The following LRP1B variants were observed in gnomAD, a reference collection of about 807,000 sequenced individuals.
LRP1B encodes the protein LDL receptor related protein 1B, also known as low-density lipoprotein receptor-related protein 1B.
Under a neutral mutation model 556.6 loss-of-function variants are expected in LRP1B, and 217 were observed. The observed-to-expected ratio is 0.39, with a 90% CI of 0.35 to 0.44. The LOEUF (loss-of-function observed/expected upper bound fraction) is 0.44, where lower values mean the gene tolerates loss of function less well. Ranked by LOEUF, LRP1B falls within the 20% of genes least tolerant of loss-of-function variation. The pLI is 1.00. For synonymous variants in LRP1B, 2,047 were observed against 1,865.8 expected, an observed-to-expected ratio of 1.10 and a Z score of -2.50; for missense variants, 5,053 against 5,620.8, an observed-to-expected ratio of 0.90 and a Z score of 3.23.
chr2:141,485,532 T>C (rs1351816294), intron 2 of LRP1B, among the ~76,000 whole-genome samples: 2 of 152,138 alleles, frequency 1.3e-5, no homozygotes, highest in East Asian at 1.9e-4. Flanking sequence ...ACAGGGCAGT[T>C]TGAGAAATAG....
chr2:140,628,776 C>T (rs1338775340), intron 41 of LRP1B, among the ~76,000 whole-genome samples: 6 of 152,096 alleles, frequency 3.9e-5, no homozygotes, highest in African/African-American at 1.4e-4. Flanking sequence ...GAGGTGGGGT[C>T]TGGTGGGAGG....
intron 32 of LRP1B, among the ~76,000 whole-genome samples, chr2:140,804,244 T>TC (rs1373024962): frequency 6.6e-6 from 1 of 152,040 alleles, no homozygotes; most frequent in Non-Finnish European, 1.5e-5. Flanking sequence ...TCAGTGTAAA[T>TC]CTGCGAGTGT....
chr2:141,727,695 C>G (rs1693092268), intron 2 of LRP1B, among the ~76,000 whole-genome samples: 1 of 152,058 alleles, frequency 6.6e-6, no homozygotes, highest in Non-Finnish European at 1.5e-5. Context: ...AGCCAATATT[C>G]ATATATCTTT....
intron 43 of LRP1B, among the ~76,000 whole-genome samples, chr2:140,545,399 C>G (rs1006459554): frequency 6.6e-6 from 1 of 151,916 alleles, no homozygotes; most frequent in African/African-American, 2.4e-5. Flanking sequence ...GCTTGTCTTC[C>G]AGGGTTTTTA....
intron 3 of LRP1B, among the ~76,000 whole-genome samples, chr2:141,340,301 T>C (rs1688010439): frequency 6.6e-6 from 1 of 152,260 alleles, no homozygotes; most frequent in African/African-American, 2.4e-5. Flanking sequence ...CAGGCAGCAC[T>C]GTTTGCTGAC....
intron 2 of LRP1B, among the ~76,000 whole-genome samples, chr2:141,710,773 C>T (rs147094389): frequency 9.8e-4 from 149 of 152,250 alleles, no homozygotes; most frequent in African/African-American, 3.5e-3. Flanking sequence ...GTGGAATTCA[C>T]CTGAAAGTGA....
chr2:141,220,713 C>T (rs1047811216), intron 6 of LRP1B, among the ~76,000 whole-genome samples: 1 of 150,692 alleles, frequency 6.6e-6, no homozygotes, highest in Non-Finnish European at 1.5e-5. Context: ...AACAGCAGAC[C>T]TCTCAGTGGA....
intron 19 of LRP1B, among the ~76,000 whole-genome samples, chr2:140,951,298 A>C (rs568684093): frequency 6.6e-6 from 1 of 152,274 alleles, no homozygotes; most frequent in African/African-American, 2.4e-5. Context: ...ATTCTTTATT[A>C]ACAACCATTT....
chr2:141,405,250 C>T (rs1206542810), intron 3 of LRP1B, among the ~76,000 whole-genome samples: 1 of 152,044 alleles, frequency 6.6e-6, no homozygotes, highest in Non-Finnish European at 1.5e-5. Flanking sequence ...TGATTGCTTT[C>T]AGAATTTTGG....
chr2:142,031,880 G>A (rs189710602), intron 1 of LRP1B, among the ~76,000 whole-genome samples: 1 of 151,914 alleles, frequency 6.6e-6, no homozygotes, highest in African/African-American at 2.4e-5. Context: ...TATGTCTGGT[G>A]TCTTCATAAA....
intron 2 of LRP1B, among the ~76,000 whole-genome samples, chr2:141,563,453 A>G (rs1468988166): frequency 6.6e-6 from 1 of 152,070 alleles, no homozygotes; most frequent in Non-Finnish European, 1.5e-5. Flanking sequence ...ATCCATGATG[A>G]AAACAGAGAA....
chr2:141,937,568 TG>T (rs1700673700), intron 1 of LRP1B, among the ~76,000 whole-genome samples: 1 of 151,698 alleles, frequency 6.6e-6, no homozygotes, highest in Admixed American at 6.6e-5. Flanking sequence ...TCCCAACAGA[TG>T]TATGTGTGTG....
intron 25 of LRP1B, among the ~76,000 whole-genome samples, chr2:140,870,016 G>T (rs890942365): frequency 1.3e-5 from 2 of 151,978 alleles, no homozygotes; most frequent in African/African-American, 4.8e-5. Flanking sequence ...CAAACACAAG[G>T]GAGGGACTCT....
At position 140,371,277 on chromosome 2, in the gene LRP1B, T is replaced by G. The variant is rs2105167123; in HGVS notation, c.10777A>C (p.Thr3593Pro). 1 of 1,552,262 alleles carries G rather than the reference T, an allele frequency of 6.4e-7. No homozygotes were observed. The highest frequency in any genetic ancestry group is 8.7e-7 in the Non-Finnish European group (1 of 1,145,834). The change falls in exon 70 of 91, where the codon ACT (threonine) becomes CCT (proline). Residue 3593 changes from threonine to proline, a missense_variant. Transcript: ENST00000389484. ...DEKSCEPASP[T>P]CSSREYICAS... Reference sequence around the variant, plus strand: ...CATATATATTCACGTGATGAGCAAGTAGGAGAAGCTGAATACAATTATAAA... The same window carrying G: ...CATATATATTCACGTGATGAGCAAGGAGGAGAAGCTGAATACAATTATAAA...
intron 80 of LRP1B, among the ~76,000 whole-genome samples, chr2:140,325,304 A>T (rs1220754793): frequency 6.6e-6 from 1 of 152,102 alleles, no homozygotes; most frequent in Non-Finnish European, 1.5e-5. Context: ...TGGTAGAGTT[A>T]AATGGTCATT....
intron 13 of LRP1B, among the ~76,000 whole-genome samples, chr2:141,014,393 T>C (rs6758426): frequency 0.34 from 51,002 of 151,954 alleles, 9,353 homozygotes; most frequent in East Asian, 0.86. Context: ...ATTGTTTTGT[T>C]GTTCCTTAAA....
At chr2:141,959,759 C>A (rs1701351544) in intron 1 of LRP1B, among the ~76,000 whole-genome samples, 1 of 151,834 alleles carries the variant, frequency 6.6e-6, no homozygotes, top group African/African-American at 2.4e-5. Flanking sequence ...TCTGGTGTGT[C>A]TTTTACAACG....
chr2:141,439,312 G>A (rs142824543), intron 3 of LRP1B, among the ~76,000 whole-genome samples: 100 of 152,076 alleles, frequency 6.6e-4, no homozygotes, highest in Non-Finnish European at 9.1e-4. Context: ...CAGTGTTCAC[G>A]GAAGGTAACA....
intron 35 of LRP1B, among the ~76,000 whole-genome samples, chr2:140,727,451 G>A (rs17513652): frequency 0.16 from 24,255 of 152,110 alleles, 2,003 homozygotes; most frequent in South Asian, 0.2. Context: ...ACCTCTGGAG[G>A]AGGCTATGAA....
Sources: allele counts gnomAD v4.1 joint callset (sites outside exome capture counted in the v4.1 genomes callset), GRCh38; gene constraint gnomAD v4.1.1; transcripts MANE v1.5; gene names NCBI Gene and HGNC (gene_info 2026-07-23, HGNC 2026-07-21).